The following TMEM53 variants were observed in gnomAD, a reference collection of about 807,000 sequenced individuals.
TMEM53 encodes transmembrane protein 53.
TMEM53 carries 14 observed loss-of-function variants against 21.4 expected under a neutral mutation model. The observed-to-expected ratio is 0.65, with a 90% CI of 0.43 to 1.02. The LOEUF is 1.02. TMEM53 is among the 50% of genes least tolerant of loss of function. The pLI is 0.00. For missense variants in TMEM53, 323 were observed against 383.6 expected (o/e 0.84, Z 1.32); for synonymous variants, 148 against 157.4 (o/e 0.94, Z 0.45).
Position 44,654,302 on chromosome 1 carries a change from T to C in TMEM53, c.*257A>G. ...GGAATCAGCAGCCTGACTGTTGCAC[T>C]TGTCCAAACACAACTGACTGCAAGG... On this transcript the variant is annotated 3_prime_UTR_variant, in exon 3 of 3. Coordinates refer to ENST00000372237, the MANE Select transcript of TMEM53 (RefSeq NM_024587.4). This position sits in a 1 kb window ranked among gnomAD's most constrained non-coding sequence, Gnocchi z 7.0. The C allele has an allele frequency of 4.2e-6, 2 of 481,122 alleles. No individual in the cohort carries two copies. The highest frequency in any genetic ancestry group is 7.4e-6 in the Non-Finnish European group (2 of 268,690). 29.8% of individuals were successfully genotyped at this position (481,122 alleles called of 1,614,324 possible).
chr1:44,660,573 C>T (rs977265109), intron 1 of TMEM53, among the ~76,000 whole-genome samples: 4 of 152,236 alleles, frequency 2.6e-5, no homozygotes, highest in Admixed American at 1.3e-4. Context: ...ACCTTGTCCA[C>T]GCCCTTTCCT....
intron 2 of TMEM53, among the ~76,000 whole-genome samples, chr1:44,659,739 G>A (rs918210912): frequency 6.6e-6 from 1 of 152,168 alleles, no homozygotes; most frequent in Non-Finnish European, 1.5e-5. Flanking sequence ...GGAATGCAGG[G>A]AGGAAGGAAG....
chr1:44,674,193 C>A (rs1645055631), intron 1 of TMEM53, 138 bp downstream of exon 1: 1 of 1,393,642 alleles, frequency 7.2e-7, no homozygotes, highest in Non-Finnish European at 9.4e-7. Flanking sequence ...CTCTCTAAGT[C>A]TAGGACCTGC....
At chr1:44,660,534 C>G (rs1210923541) in intron 1 of TMEM53, among the ~76,000 whole-genome samples, 3 of 152,216 alleles carry the variant, frequency 2.0e-5, no homozygotes, top group Admixed American at 1.3e-4. Context: ...TTTAGAGACT[C>G]GAAGACAGCC....
chr1:44,658,597 C>T (rs187915270), intron 2 of TMEM53, among the ~76,000 whole-genome samples: 1 of 152,280 alleles, frequency 6.6e-6, no homozygotes, highest in African/African-American at 2.4e-5. Flanking sequence ...GTTGCCCAGG[C>T]TAGAGTGCAG....
intron 2 of TMEM53, 86 bp downstream of exon 2, chr1:44,660,088 G>C: frequency 6.7e-7 from 1 of 1,503,082 alleles, no homozygotes; most frequent in South Asian, 1.3e-5. Context: ...GAACTCTAGA[G>C]GCTGTTCTTA....
At chr1:44,657,828 A>G (rs1171880040) in intron 2 of TMEM53, among the ~76,000 whole-genome samples, 1 of 152,150 alleles carries the variant, frequency 6.6e-6, no homozygotes, top group Non-Finnish European at 1.5e-5. Flanking sequence ...GGCATGAGCC[A>G]CAGCATCCAC....
chr1:44,669,549 C>T (rs139726798), intron 1 of TMEM53, among the ~76,000 whole-genome samples: 30 of 152,250 alleles, frequency 2.0e-4, no homozygotes, highest in African/African-American at 7.0e-4. Context: ...TACCTCCCCA[C>T]GAGCATCTGT....
chr1:44,669,426 A>T (rs1644979389), intron 1 of TMEM53, among the ~76,000 whole-genome samples: 1 of 152,210 alleles, frequency 6.6e-6, no homozygotes, highest in Admixed American at 6.5e-5. Context: ...GTTTCCTAGA[A>T]ATGGCATCGT....
chr1:44,667,289 C>A (rs1038638611), intron 1 of TMEM53, among the ~76,000 whole-genome samples: 5 of 150,792 alleles, frequency 3.3e-5, no homozygotes, highest in Non-Finnish European at 7.4e-5. Context: ...CACACACATA[C>A]TACACAAACG....
intron 2 of TMEM53, 21 bp downstream of exon 2, chr1:44,660,153 A>C: frequency 6.2e-7 from 1 of 1,610,034 alleles, no homozygotes; most frequent in Admixed American, 1.7e-5. Context: ...AGCCCAGGGG[A>C]GAGGGCACCA....
chr1:44,656,287 A>G (rs952307077), intron 2 of TMEM53, among the ~76,000 whole-genome samples: 8 of 152,208 alleles, frequency 5.3e-5, no homozygotes, highest in Non-Finnish European at 1.0e-4. Flanking sequence ...AGATGAAAAA[A>G]AATGTATCTC....
intron 1 of TMEM53, among the ~76,000 whole-genome samples, chr1:44,672,122 C>G (rs1020669336): frequency 1.3e-5 from 2 of 152,216 alleles, no homozygotes; most frequent in Non-Finnish European, 2.9e-5. Flanking sequence ...ACCACAGCGT[C>G]GTGATCTCCT....
chr1:44,654,537 G>A lies in TMEM53; in HGVS notation c.*22C>T. The A allele has an allele frequency of 6.3e-7, 1 of 1,591,378 alleles. No homozygotes were observed. The highest frequency in any genetic ancestry group is 8.6e-7 in the Non-Finnish European group (1 of 1,164,258). On this transcript the variant is annotated 3_prime_UTR_variant, in exon 3 of 3. Coordinates refer to ENST00000372237, the MANE Select transcript of TMEM53 (RefSeq NM_024587.4). The surrounding 1 kb of genome is among the most constrained non-coding windows in gnomAD (Gnocchi z 7.0). ...GTGTCAGGCATTTATTTCTGGAGCA[G>A]AGGTGAGATGGAGCAATGGCCTCAG...
rs1344823531 is a variant in TMEM53, at chr1:44,654,786, G to C, written c.607C>G (p.Leu203Val). Residue 203 changes from leucine to valine, a missense_variant, in exon 3 of 3, where the codon CTA (leucine) becomes GTA (valine). Physicochemically the swap from Leu to Val is conservative, Grantham distance 32. Coordinates refer to ENST00000372237, the MANE Select transcript of TMEM53 (RefSeq NM_024587.4). The surrounding 1 kb of genome is among the most constrained non-coding windows in gnomAD (Gnocchi z 7.0). ...ALFHTHFYDR[L>V]QDAGSRWPEL... ...GGCCAGCGAGAGCCCGCGTCCTGTA[G>C]CCTGTCATAGAAGTGGGTGTGGAAG... is the stretch of plus-strand genomic sequence containing the variant. 7 of 1,613,850 alleles carry C rather than the reference G, an allele frequency of 4.3e-6. No homozygotes were observed. The highest frequency in any genetic ancestry group is 5.9e-6 in the Non-Finnish European group (7 of 1,180,042).
chr1:44,664,991 G>A (rs754480179), intron 1 of TMEM53, among the ~76,000 whole-genome samples: 3 of 151,794 alleles, frequency 2.0e-5, no homozygotes, highest in Admixed American at 6.6e-5. Flanking sequence ...CTGATGCTCC[G>A]TGTTCATGCT....
intron 1 of TMEM53, among the ~76,000 whole-genome samples, chr1:44,669,828 C>T (rs1440083153): frequency 8.3e-5 from 12 of 144,508 alleles, no homozygotes; most frequent in Non-Finnish European, 1.7e-4. Context: ...GACGGAGTTT[C>T]GCTCTCGTTA....
chr1:44,672,449 CCAA>C (rs1408965102), intron 1 of TMEM53, among the ~76,000 whole-genome samples: 2 of 152,206 alleles, frequency 1.3e-5, no homozygotes, highest in Non-Finnish European at 2.9e-5. Flanking sequence ...TTCTGAGTGG[CCAA>C]CAACGATCCC....
intron 2 of TMEM53, among the ~76,000 whole-genome samples, chr1:44,657,003 C>A (rs1367924041): frequency 2.1e-5 from 3 of 143,944 alleles, no homozygotes; most frequent in Non-Finnish European, 4.7e-5. Context: ...CAGAGCAAGA[C>A]TCTCTCTCAA....
Sources: gnomAD v4.1 joint callset for allele counts (sites outside exome capture counted in the v4.1 genomes callset) on GRCh38, gnomAD v4.1.1 for gene constraint, Gnocchi (gnomAD v3.1) non-coding constraint, MANE v1.5 for transcripts, NCBI Gene and HGNC (gene_info 2026-07-23, HGNC 2026-07-21) for gene names.